The following DNAH8 variants were observed in gnomAD, a reference collection of about 807,000 sequenced individuals.
DNAH8 encodes dynein axonemal heavy chain 8.
A neutral mutation model predicts 562.1 loss-of-function variants in DNAH8; 382 were observed. That is an observed-to-expected ratio of 0.68 (90% CI 0.63 to 0.74). The LOEUF is 0.74. Ranked by LOEUF, DNAH8 falls within the 30% of genes least tolerant of loss-of-function variation. DNAH8 has a pLI of 0.00. For synonymous variants in DNAH8, 1,881 were observed against 1,919.4 expected, an observed-to-expected ratio of 0.98 and a Z score of 0.52; for missense variants, 5,203 against 5,620.4, an observed-to-expected ratio of 0.93 and a Z score of 2.37.
chr6:38,940,268 A>G (rs56247488), intron 79 of DNAH8, among the ~76,000 whole-genome samples: 74,186 of 151,922 alleles, frequency 0.49, 18,712 homozygotes, highest in African/African-American at 0.6. Context: ...GTAGAGATTA[A>G]GGAAGTAAAA....
intron 28 of DNAH8, 40 bp downstream of exon 28, chr6:38,823,728 TC>T: frequency 6.9e-7 from 1 of 1,449,376 alleles, no homozygotes; most frequent in Non-Finnish European, 9.5e-7. Context: ...ATCTGTACTT[TC>T]ACATGAAGTG....
intron 79 of DNAH8, among the ~76,000 whole-genome samples, chr6:38,942,572 AGGTTTGGCTG>A (rs1422363437): frequency 6.6e-6 from 1 of 152,192 alleles, no homozygotes; most frequent in Non-Finnish European, 1.5e-5. Context: ...GGTGAGCCTG[AGGTTTGGCTG>A]GCACACAGCA....
In DNAH8 at chr6:38,765,299, C is replaced by T. The variant is rs760803936; in HGVS notation, c.1617+3496C>T. ...CTCTGTTTTCTTTTCTGTGCAAAAG[C>T]TTTATAGTTTGATACAATCTCATTT... On this transcript the variant is annotated intron_variant, in intron 11 of 92. Coordinates refer to ENST00000327475, the MANE Select transcript of DNAH8 (RefSeq NM_001206927.2). Among the ~76,000 whole-genome samples the T allele has an allele frequency of 1.1e-4, 16 of 152,270 alleles. 1 individual carries two copies. The highest frequency in any genetic ancestry group is 3.4e-3 in the Middle Eastern group (1 of 294).
At chr6:38,991,821 A>T (rs979174993) in intron 88 of DNAH8, among the ~76,000 whole-genome samples, 1 of 151,934 alleles carries the variant, frequency 6.6e-6, no homozygotes, top group African/African-American at 2.4e-5. Context: ...TACCTCTTCT[A>T]GTCTTTGCTT....
chr6:38,892,703 A>G (rs1204074514), intron 58 of DNAH8, among the ~76,000 whole-genome samples: 1 of 152,124 alleles, frequency 6.6e-6, no homozygotes, highest in Admixed American at 6.5e-5. Flanking sequence ...GTCCTAGATG[A>G]TATTTTTTAA....
At chr6:38,715,943 TA>T (rs1762273997) in intron 1 of DNAH8, among the ~76,000 whole-genome samples, 5 of 26,892 alleles carry the variant, frequency 1.9e-4, no homozygotes, top group African/African-American at 7.5e-4. Context: ...TATATATATA[TA>T]TATATATATA....
intron 56 of DNAH8, among the ~76,000 whole-genome samples, chr6:38,885,043 C>T (rs9394549): frequency 0.42 from 64,177 of 151,944 alleles, 14,152 homozygotes; most frequent in East Asian, 0.69. Context: ...CATCCTGTGG[C>T]GAAAAACCAA....
chr6:38,996,765 T>C (rs1400631836), intron 88 of DNAH8, among the ~76,000 whole-genome samples: 1 of 152,200 alleles, frequency 6.6e-6, no homozygotes, highest in Non-Finnish European at 1.5e-5. Context: ...TGTTTCTTGC[T>C]GCAAACTGGT....
rs3047889 is a variant in DNAH8 at position 38,971,472 on chromosome 6, A to AT, written c.12452-105dup. On this transcript the variant is annotated intron_variant, in intron 82 of 92. Transcript: ENST00000327475. ...GGCCAGGCCTGTTTGAACAGCAAAGATTTTTTTTTTTTTTTAGAAACAATA... is the reference window on the plus strand; with the variant it reads ...GGCCAGGCCTGTTTGAACAGCAAAGATTTTTTTTTTTTTTTTAGAAACAATA... The AT allele has an allele frequency of 0.24, 111,552 of 468,706 alleles. 6,185 individuals carry two copies. The highest frequency in any genetic ancestry group is 0.3 in the African/African-American group (14,629 of 48,066). 29.0% of individuals were successfully genotyped at this position (468,706 alleles called of 1,614,324 possible).
At chr6:38,940,164 G>A (rs925591637) in intron 79 of DNAH8, among the ~76,000 whole-genome samples, 3 of 152,212 alleles carry the variant, frequency 2.0e-5, no homozygotes, top group African/African-American at 7.2e-5. Context: ...TCAAAGAAAA[G>A]AGGTTCAAGG....
intron 85 of DNAH8, among the ~76,000 whole-genome samples, chr6:38,981,825 A>G (rs1019929489): frequency 9.9e-5 from 15 of 152,244 alleles, no homozygotes; most frequent in African/African-American, 3.1e-4. Context: ...AGATTTCTTT[A>G]TATAAACCCC....
intron 8 of DNAH8, among the ~76,000 whole-genome samples, chr6:38,743,245 C>G (rs1250412237): frequency 6.6e-6 from 1 of 152,076 alleles, no homozygotes; most frequent in Non-Finnish European, 1.5e-5. Context: ...TCAAGCGATT[C>G]TTCCACCTCA....
At chr6:38,804,603 C>G (rs1160455329) in intron 22 of DNAH8, among the ~76,000 whole-genome samples, 3 of 152,116 alleles carry the variant, frequency 2.0e-5, no homozygotes, top group African/African-American at 7.2e-5. Context: ...CACCCAGACT[C>G]TCGAAGGAGA....
Position 39,030,603 on chromosome 6 carries a change from G to A in DNAH8, c.*211G>A. 1 of 500,150 alleles carries A rather than the reference G, an allele frequency of 2.0e-6. No homozygotes were observed. Among genetic ancestry groups the A allele is most frequent in the Non-Finnish European group, 3.5e-6 (1 of 284,678 alleles). The allele number at this position is 500,150 out of a possible 1,614,324, so 31.0% of individuals were successfully genotyped here. ...ACTCTAAATGAATGTTTTTTATTCTGGGAAATCATATTTCACTATAATTAC... is the reference window on the plus strand; with the variant it reads ...ACTCTAAATGAATGTTTTTTATTCTAGGAAATCATATTTCACTATAATTAC... On this transcript the variant is annotated 3_prime_UTR_variant, in exon 93 of 93. Transcript: ENST00000327475.
At chr6:38,728,627 G>T (rs1763417924) in intron 3 of DNAH8, among the ~76,000 whole-genome samples, 1 of 152,198 alleles carries the variant, frequency 6.6e-6, no homozygotes, top group Non-Finnish European at 1.5e-5. Context: ...TGGCAATTAT[G>T]TGAGACCCAA....
intron 53 of DNAH8, 68 bp from the exon 54 acceptor site, chr6:38,882,841 AT>A: frequency 8.9e-7 from 1 of 1,124,942 alleles, no homozygotes. Context: ...TGCACTTAAC[AT>A]TTTTGTATTA....
intron 28 of DNAH8, among the ~76,000 whole-genome samples, chr6:38,825,227 T>G (rs1277181577): frequency 6.6e-6 from 1 of 152,066 alleles, no homozygotes; most frequent in African/African-American, 2.4e-5. Flanking sequence ...GCTGCATGGT[T>G]GTTCTTGGGC....
intron 60 of DNAH8, among the ~76,000 whole-genome samples, chr6:38,896,640 A>G (rs1053666955): frequency 7.9e-5 from 12 of 152,106 alleles, no homozygotes; most frequent in African/African-American, 2.7e-4. Flanking sequence ...AGAGTTCAGT[A>G]AGATGACCAA....
chr6:38,915,235 C>T lies in DNAH8; in HGVS notation c.9998C>T (p.Ser3333Leu), dbSNP rs1223508364. The change falls in exon 68 of 93, where the codon TCA becomes TTA. Residue 3333 changes from serine to leucine, a missense_variant. This residue lies in a region of DNAH8 where 87 missense variants were observed against 144.9 expected (regional missense o/e 0.60). Transcript: ENST00000327475. ...LAEVTVSAQASAKIKNEVQEV... is the reference protein window; with the variant it reads ...LAEVTVSAQALAKIKNEVQEV... ...GAAGTCACAGTAAGCGCTCAGGCTT[C>T]AGCCAAAATTAAAAATGAAGTACAG... The T allele has an allele frequency of 6.2e-7, 1 of 1,607,458 alleles. No individual in the cohort carries two copies. Among genetic ancestry groups the T allele is most frequent in the Non-Finnish European group, 8.5e-7 (1 of 1,177,730 alleles).
Sources: allele counts gnomAD v4.1 joint callset (sites outside exome capture counted in the v4.1 genomes callset), GRCh38; gene constraint gnomAD v4.1.1; regional missense constraint gnomAD v4.1.1; transcripts MANE v1.5; gene names NCBI Gene and HGNC (gene_info 2026-07-23, HGNC 2026-07-21).